FOXP1: variants seen among roughly 807,000 people sequenced by gnomAD.
FOXP1 encodes forkhead box protein P1.
A neutral mutation model predicts 98.2 loss-of-function variants in FOXP1; 15 were observed. That is an observed-to-expected ratio of 0.15 (90% confidence interval 0.10 to 0.24). The LOEUF (loss-of-function observed/expected upper bound fraction) is 0.24. FOXP1 is among the 10% of genes least tolerant of loss of function. The probability of loss-of-function intolerance (pLI) is 1.00; values close to 1 mark genes in which losing one functional copy is unlikely to be tolerated. For synonymous variants in FOXP1, 371 were observed against 314.5 expected (o/e 1.18, Z -1.90); for missense variants, 633 against 848.5 (o/e 0.75, Z 3.15).
intron 7 of FOXP1, among the ~76,000 whole-genome samples, chr3:71,058,214 T>G (rs2050947040): frequency 6.6e-6 from 1 of 152,186 alleles, no homozygotes; most frequent in South Asian, 2.1e-4. Context: ...TATCATTTTC[T>G]TCTCTCTTCA....
At chr3:71,047,397 A>T (rs2049170676) in intron 9 of FOXP1, among the ~76,000 whole-genome samples, 1 of 152,188 alleles carries the variant, frequency 6.6e-6, no homozygotes, top group Non-Finnish European at 1.5e-5. Context: ...TTAGACTTTG[A>T]AATTTTTAAT....
Position 70,972,410 on chromosome 3 carries a change from G to T in FOXP1, c.1652+145C>A, listed in dbSNP as rs1471966923. The stretch of plus-strand genomic sequence containing the variant: ...GACTGGTGGGTATACAAAACAGGAG[G>T]GATGAAATGCTTTTTTGCTTCCCTT... On this transcript the variant is annotated intron_variant, in intron 18 of 20. Coordinates refer to ENST00000649528, the MANE Select transcript of FOXP1 (RefSeq NM_001349338.3). 3 of 1,205,868 alleles carry T rather than the reference G, an allele frequency of 2.5e-6. No individual in the cohort carries two copies. In the South Asian group the frequency reaches 3.7e-5, roughly 15 times the overall value. 74.7% of individuals were successfully genotyped at this position (1,205,868 alleles called of 1,614,324 possible).
chr3:71,543,350 C>T (rs751430657), intron 2 of FOXP1: 4 of 152,232 alleles, frequency 2.6e-5, no homozygotes, highest in Admixed American at 1.3e-4. Context: ...GTACTACGCA[C>T]GCTGCAGAAG....
At chr3:71,198,432 G>GGGGCCCCC in intron 5 of FOXP1, 40 bp from the exon 6 acceptor site, 1 of 491,034 alleles carries the variant, frequency 2.0e-6, no homozygotes, top group Non-Finnish European at 4.0e-6. Context: ...GGGAGGGGGG[G>GGGGCCCCC]AGAAAAAAAA....
chr3:71,159,383 T>A (rs981444710), intron 6 of FOXP1, among the ~76,000 whole-genome samples: 2 of 152,158 alleles, frequency 1.3e-5, no homozygotes, highest in African/African-American at 4.8e-5. Flanking sequence ...CCTTCAAGTA[T>A]ATGACAGGTT....
chr3:71,159,495 G>A (rs2061024297), intron 6 of FOXP1, among the ~76,000 whole-genome samples: 1 of 152,204 alleles, frequency 6.6e-6, no homozygotes. Flanking sequence ...AGTGAATTGA[G>A]TAAGATTCAA....
chr3:71,309,054 G>A (rs2074505618), intron 4 of FOXP1, among the ~76,000 whole-genome samples: 1 of 152,096 alleles, frequency 6.6e-6, no homozygotes, highest in African/African-American at 2.4e-5. Context: ...AGTTACGCTT[G>A]CTGATAAAAC....
rs539549809 is a variant in FOXP1, at chr3:71,041,664, C to T, written c.665-132G>A. 6.8e-5 allele frequency: 55 copies of T among 808,016 alleles called. No individual in the cohort carries two copies. The African/African-American group carries it at 8.5e-4, about 12-fold the overall frequency. 50.1% of individuals were successfully genotyped at this position (808,016 alleles called of 1,614,324 possible). A position where few individuals can be genotyped will look rare whatever the true frequency, so the allele number is the denominator to read the frequency against. ...TTTTTCGGTGTGTGCAGTTTTTTTT[C>T]CCCTCCCAACTACGGCAGATGCGGT... is the stretch of plus-strand genomic sequence containing the variant. On this transcript the variant is annotated intron_variant, in intron 10 of 20. Coordinates refer to ENST00000649528, the MANE Select transcript of FOXP1 (RefSeq NM_001349338.3).
At chr3:71,305,542 T>TA (rs1433137724) in intron 4 of FOXP1, 1 of 152,218 alleles carries the variant, frequency 6.6e-6, no homozygotes. Context: ...AGTTCAGTCT[T>TA]AGACACTGTT....
At chr3:71,125,827 T>C (rs2059128730) in intron 6 of FOXP1, among the ~76,000 whole-genome samples, 1 of 152,188 alleles carries the variant, frequency 6.6e-6, no homozygotes, top group Admixed American at 6.5e-5. Context: ...AGAAGCAGCA[T>C]ACATAGTGGT....
rs869252301 is a variant in FOXP1, at chr3:71,328,974, T to TAAAAAA, written c.-72-29100_-72-29095dup. ...CAACAAGAGCGAAACTCCATCTCGC[T>TAAAAAA]AAAAAAAAAAAAAAACAAAAAAAAA... On this transcript the variant is annotated intron_variant, in intron 4 of 20. Transcript: ENST00000649528. 3.7e-3 allele frequency among the ~76,000 whole-genome samples: 114 copies of TAAAAAA among 31,178 alleles called. 15 individuals are homozygous for TAAAAAA. The highest frequency in any genetic ancestry group is 9.2e-3 in the African/African-American group (102 of 11,076). 20.5% of individuals were successfully genotyped at this position (31,178 alleles called of 152,430 possible). A position where few individuals can be genotyped will look rare whatever the true frequency, so the allele number is the denominator to read the frequency against.
intron 6 of FOXP1, among the ~76,000 whole-genome samples, chr3:71,191,787 A>G (rs1355772566): frequency 2.0e-5 from 3 of 152,040 alleles, no homozygotes; most frequent in Non-Finnish European, 4.4e-5. Flanking sequence ...CTTTTTCTTT[A>G]TTTGTCAGAA....
intron 5 of FOXP1, among the ~76,000 whole-genome samples, chr3:71,226,332 G>A (rs939502317): frequency 3.3e-5 from 5 of 152,194 alleles, no homozygotes; most frequent in Non-Finnish European, 7.3e-5. Context: ...TCAAAGTACA[G>A]ATCCTTGTTC....
At chr3:71,092,470 T>A (rs1253917199) in intron 7 of FOXP1, among the ~76,000 whole-genome samples, 1 of 151,996 alleles carries the variant, frequency 6.6e-6, no homozygotes, top group Admixed American at 6.5e-5. Context: ...AAAATCAGTA[T>A]CAGCGGAAAC....
chr3:71,544,576 G>A (rs543779256), intron 2 of FOXP1, among the ~76,000 whole-genome samples: 279 of 152,246 alleles, frequency 1.8e-3, no homozygotes, highest in African/African-American at 6.4e-3. Flanking sequence ...CACTTGGGAA[G>A]GAATGGCTAA....
intron 7 of FOXP1, among the ~76,000 whole-genome samples, chr3:71,103,452 C>T (rs947113484): frequency 2.6e-5 from 4 of 152,212 alleles, no homozygotes; most frequent in African/African-American, 9.7e-5. Context: ...ATCCTATATG[C>T]ACAACCTCTG....
chr3:71,127,458 C>A (rs972111243), intron 6 of FOXP1, among the ~76,000 whole-genome samples: 5 of 152,160 alleles, frequency 3.3e-5, no homozygotes, highest in South Asian at 2.1e-4. Flanking sequence ...AAAAAAAATA[C>A]ATCCTTTGAC....
intron 3 of FOXP1, among the ~76,000 whole-genome samples, chr3:71,397,073 T>TATATATAC (rs1553871629): frequency 2.3e-5 from 1 of 42,720 alleles, no homozygotes; most frequent in South Asian, 5.7e-4. Context: ...TATATATATA[T>TATATATAC]ACATATATAT....
chr3:71,279,186 AAAAAAAAG>A (rs1344408687), intron 5 of FOXP1, among the ~76,000 whole-genome samples: 11 of 151,646 alleles, frequency 7.3e-5, no homozygotes, highest in Admixed American at 4.6e-4. Context: ...AAAAAAAAAA[AAAAAAAAG>A]AAAGAAATAG....
Sources: allele counts gnomAD v4.1 joint callset (sites outside exome capture counted in the v4.1 genomes callset), GRCh38; gene constraint gnomAD v4.1.1; transcripts MANE v1.5; gene names NCBI Gene and HGNC (gene_info 2026-07-23, HGNC 2026-07-21).